TMEM132C: variants seen among roughly 807,000 people sequenced by gnomAD.
The protein encoded by TMEM132C is transmembrane protein 132C.
TMEM132C carries 29 observed loss-of-function variants against 61.4 expected under a neutral mutation model. The observed-to-expected ratio is 0.47, with a 90% CI of 0.35 to 0.64. TMEM132C has a LOEUF of 0.64. TMEM132C is among the 30% of genes least tolerant of loss of function. The pLI is 0.00. For missense variants in TMEM132C, 1,408 were observed against 1,476.9 expected (o/e 0.95, Z 0.76); for synonymous variants, 656 against 633.1 (o/e 1.04, Z -0.54).
In TMEM132C at chr12:128,706,352, AAGTGGGGCAG is replaced by A. The variant is rs1954840997; in HGVS notation, c.*59_*68del. 2 of 1,452,522 alleles carry A rather than the reference AAGTGGGGCAG, an allele frequency of 1.4e-6. No homozygotes were observed. The highest frequency in any genetic ancestry group is 1.8e-6 in the Non-Finnish European group (2 of 1,104,902). The allele number at this position is 1,452,522 out of a possible 1,614,324, so 90.0% of individuals were successfully genotyped here. A position where few individuals can be genotyped will look rare whatever the true frequency, so the allele number is the denominator to read the frequency against. The stretch of plus-strand genomic sequence containing the variant: ...CCTTCCTTGTACTGGAAACTGGCCC[AAGTGGGGCAG>A]AAGGCGTTGTCAGTGGGGTTAAGAA... On this transcript the variant is annotated 3_prime_UTR_variant, in exon 9 of 9. Transcript: ENST00000435159.
At chr12:128,277,871 C>T (rs1002512298) in intron 1 of TMEM132C, among the ~76,000 whole-genome samples, 1 of 152,144 alleles carries the variant, frequency 6.6e-6, no homozygotes, top group Non-Finnish European at 1.5e-5. Context: ...CTCATCACAT[C>T]TCTACCTCTG....
chr12:128,302,986 C>T (rs945659536), intron 1 of TMEM132C, among the ~76,000 whole-genome samples: 2 of 152,194 alleles, frequency 1.3e-5, no homozygotes, highest in Non-Finnish European at 2.9e-5. Context: ...TGTGTGCCCC[C>T]ACCTGACCTC....
At position 128,648,025 on chromosome 12, in the gene TMEM132C, AG is replaced by A. The variant is rs567666086; in HGVS notation, c.1306-21391del. ...ATGAGTGTGTTTACTAGAGTCCATC[AG>A]CATTGGATGTGAGTGTGTTTACTGG... is the stretch of plus-strand genomic sequence containing the variant. On this transcript the variant is annotated intron_variant, in intron 4 of 8. Transcript: ENST00000435159. 1.5e-3 allele frequency among the ~76,000 whole-genome samples: 224 copies of A among 147,348 alleles called. 11 individuals carry two copies. Among genetic ancestry groups the A allele is most frequent in the African/African-American group, 5.5e-3 (213 of 38,486 alleles).
chr12:128,452,257 C>A (rs547897439), intron 2 of TMEM132C, among the ~76,000 whole-genome samples: 1 of 151,934 alleles, frequency 6.6e-6, no homozygotes, highest in South Asian at 2.1e-4. Flanking sequence ...GCCACCACAC[C>A]CAGCTAATTT....
At chr12:128,541,918 G>T (rs1235108226) in intron 2 of TMEM132C, among the ~76,000 whole-genome samples, 1 of 152,118 alleles carries the variant, frequency 6.6e-6, no homozygotes, top group African/African-American at 2.4e-5. Context: ...TGGGGTTGTG[G>T]GGTCCCTCTG....
intron 4 of TMEM132C, among the ~76,000 whole-genome samples, chr12:128,660,789 C>T (rs1486483919): frequency 6.6e-6 from 1 of 152,124 alleles, no homozygotes; most frequent in Non-Finnish European, 1.5e-5. Context: ...CACCGTGAGC[C>T]AGGCACGGTA....
chr12:128,630,285 C>T lies in TMEM132C; in HGVS notation c.1305+13950C>T, dbSNP rs113919083. On this transcript the variant is annotated intron_variant, in intron 4 of 8. Coordinates refer to ENST00000435159, the MANE Select transcript of TMEM132C (RefSeq NM_001136103.3). This position sits in a 1 kb window ranked among gnomAD's most constrained non-coding sequence, Gnocchi z 4.3. ...CCACACTGACGGCCCATGAGGGTCA[C>T]TAGGGGGCAGGGGCTGGAGCTTCTG... 1.7e-3 allele frequency among the ~76,000 whole-genome samples: 262 copies of T among 152,276 alleles called. No individual in the cohort carries two copies. Among genetic ancestry groups the T allele is most frequent in the African/African-American group, 6.0e-3 (249 of 41,558 alleles).
At chr12:128,427,387 GGTGT>G (rs761620460) in intron 2 of TMEM132C, among the ~76,000 whole-genome samples, 2,093 of 132,326 alleles carry the variant, frequency 0.016, 34 homozygotes, top group African/African-American at 0.033. Context: ...CTTCCAAAGG[GGTGT>G]GTGTGTGTGT....
intron 2 of TMEM132C, among the ~76,000 whole-genome samples, chr12:128,541,901 G>A (rs1302285242): frequency 6.6e-6 from 1 of 152,160 alleles, no homozygotes; most frequent in African/African-American, 2.4e-5. Flanking sequence ...TCAGCATTCA[G>A]CACACATGGG....
chr12:128,410,188 T>C (rs1159617869), intron 1 of TMEM132C, among the ~76,000 whole-genome samples: 1 of 152,120 alleles, frequency 6.6e-6, no homozygotes, highest in Non-Finnish European at 1.5e-5. Flanking sequence ...TTTGATACAG[T>C]TGGAGTCTTA....
At chr12:128,384,072 A>C (rs1874500486) in intron 1 of TMEM132C, among the ~76,000 whole-genome samples, 1 of 152,150 alleles carries the variant, frequency 6.6e-6, no homozygotes, top group Non-Finnish European at 1.5e-5. Context: ...CAAACAAACA[A>C]ATCCTACAAA....
intron 5 of TMEM132C, among the ~76,000 whole-genome samples, chr12:128,685,963 T>C (rs1208690999): frequency 6.6e-6 from 1 of 152,214 alleles, no homozygotes; most frequent in Non-Finnish European, 1.5e-5. Flanking sequence ...CAACGAATGT[T>C]TGCTGTTGTT....
chr12:128,399,506 C>G (rs1173380637), intron 1 of TMEM132C, among the ~76,000 whole-genome samples: 1 of 152,192 alleles, frequency 6.6e-6, no homozygotes, highest in East Asian at 1.9e-4. Flanking sequence ...TTATACAACT[C>G]TAAATCCCTC....
intron 4 of TMEM132C, among the ~76,000 whole-genome samples, chr12:128,629,311 T>A (rs889473733): frequency 1.3e-5 from 2 of 151,952 alleles, no homozygotes; most frequent in Non-Finnish European, 2.9e-5. Flanking sequence ...GCCCAGGAGT[T>A]AAAGACCAGC....
chr12:128,650,050 A>C (rs765732428), intron 4 of TMEM132C, among the ~76,000 whole-genome samples: 5 of 152,118 alleles, frequency 3.3e-5, no homozygotes, highest in African/African-American at 9.7e-5. Flanking sequence ...GAGGGAGGAA[A>C]ATTTGCTCAG....
chr12:128,669,504 G>C lies in TMEM132C; in HGVS notation c.1393G>C (p.Val465Leu). Residue 465 changes from valine (V) to leucine (L), a missense_variant, in exon 5 of 9, where the codon GTG (valine) becomes CTG (leucine). Physicochemically the swap from Val to Leu is conservative, Grantham distance 32. Transcript: ENST00000435159. The part of the protein sequence containing the change: ...KVVSVEENSA[V>L]MDISESVECK... ...GGTCTCTGTGGAGGAGAACAGTGCC[G>C]TGATGGACATCTCAGAGTCGGTGGA... 1.9e-6 allele frequency: 3 copies of C among 1,551,674 alleles called. No individual in the cohort carries two copies. Among genetic ancestry groups the C allele is most frequent in the Non-Finnish European group, 2.6e-6 (3 of 1,146,972 alleles).
chr12:128,695,665 C>CCAT, intron 6 of TMEM132C, among the ~76,000 whole-genome samples, 165 bp from the exon 7 acceptor site: 2 of 152,206 alleles, frequency 1.3e-5, no homozygotes, highest in African/African-American at 4.8e-5. Flanking sequence ...AAAGAGATGC[C>CCAT]CATCACTTAG....
At chr12:128,295,632 G>C in intron 1 of TMEM132C, among the ~76,000 whole-genome samples, 1 of 77,760 alleles carries the variant, frequency 1.3e-5, no homozygotes, top group African/African-American at 5.3e-5. Context: ...TGCCTTTTAA[G>C]TCCTTCAAAA....
At chr12:128,547,240 C>G (rs1335342742) in intron 3 of TMEM132C, among the ~76,000 whole-genome samples, 2 of 152,070 alleles carry the variant, frequency 1.3e-5, no homozygotes, top group African/African-American at 4.8e-5. Context: ...GGCACTGAGC[C>G]CCACCAAGGC....
Sources: gnomAD v4.1 joint callset for allele counts (sites outside exome capture counted in the v4.1 genomes callset) on GRCh38, gnomAD v4.1.1 for gene constraint, Gnocchi (gnomAD v3.1) non-coding constraint, MANE v1.5 for transcripts, NCBI Gene and HGNC (gene_info 2026-07-23, HGNC 2026-07-21) for gene names.